Variants in NOS3 observed in about 807,000 individuals in gnomAD.
The protein encoded by NOS3 is nitric oxide synthase 3.
In NOS3, 98 loss-of-function variants were observed where a neutral mutation model predicts 144.9. The observed-to-expected ratio is 0.68, with a 90% confidence interval of 0.57 to 0.80. The LOEUF is 0.80. Ranked by LOEUF, NOS3 falls within the 30% of genes least tolerant of loss-of-function variation. The pLI, the probability that NOS3 is intolerant of heterozygous loss-of-function variation, is 0.00. For missense variants in NOS3, 1,465 were observed against 1,656.4 expected, an observed-to-expected ratio of 0.88 and a Z score of 2.01; for synonymous variants, 714 against 702.4, an observed-to-expected ratio of 1.02 and a Z score of -0.26.
chr7:151,006,295 T>C, intron 14 of NOS3, 132 bp from the exon 15 acceptor site: 1 of 772,768 alleles, frequency 1.3e-6, no homozygotes. Context: ...CAGATCGCTT[T>C]TGAAATTTTC....
At position 151,002,446 on chromosome 7, in the gene NOS3, A is replaced by G. The variant is rs1795130506; in HGVS notation, c.1752+142A>G. On this transcript the variant is annotated intron_variant, in intron 14 of 26. Coordinates refer to ENST00000297494, the MANE Select transcript of NOS3 (RefSeq NM_000603.5). This position sits in a 1 kb window ranked among gnomAD's most constrained non-coding sequence, Gnocchi z 4.1. Reference sequence around the variant, plus strand: ...CACACACACACACACACACACACACACACACACGCCAGGATGGAAAGGGAG... The same window carrying G: ...CACACACACACACACACACACACACGCACACACGCCAGGATGGAAAGGGAG... The G allele has an allele frequency of 2.2e-6, 1 of 455,664 alleles. No individual in the cohort carries two copies. Among genetic ancestry groups the G allele is most frequent in the Admixed American group, 3.2e-5 (1 of 30,990 alleles). 28.2% of individuals were successfully genotyped at this position (455,664 alleles called of 1,614,324 possible). A position where few individuals can be genotyped will look rare whatever the true frequency, so the allele number is the denominator to read the frequency against.
In NOS3 at chr7:151,010,942, A is replaced by G. The variant is rs1351569275; in HGVS notation, c.2940A>G (p.Leu980=). Residue 980 remains leucine (L), a synonymous_variant, in exon 23 of 27, where the codon CTA becomes CTG. Transcript: ENST00000297494. ...PLHYGVCSTW[L]SQLKPGDPVP... The stretch of plus-strand genomic sequence containing the variant: ...ACTATGGAGTCTGCTCCACGTGGCT[A>G]AGCCAGCTCAAGCCCGGAGACCCTG... The G allele has an allele frequency of 2.5e-6, 4 of 1,613,794 alleles. No individual in the cohort carries two copies. Among genetic ancestry groups the G allele is most frequent in the Non-Finnish European group, 3.4e-6 (4 of 1,179,932 alleles).
In NOS3 at chr7:151,002,652, C is replaced by A. The variant is rs548504366; in HGVS notation, c.1752+348C>A. Among the ~76,000 whole-genome samples, 1 of 152,262 alleles carries A rather than the reference C, an allele frequency of 6.6e-6. No individual in the cohort carries two copies. The highest frequency in any genetic ancestry group is 1.9e-4 in the East Asian group (1 of 5,174). On this transcript the variant is annotated intron_variant, in intron 14 of 26. Coordinates refer to ENST00000297494, the MANE Select transcript of NOS3 (RefSeq NM_000603.5). The surrounding 1 kb of genome is among the most constrained non-coding windows in gnomAD (Gnocchi z 4.1). ...GCTGACCAAGAGGTTAGACTGTGCTCGGGCACTGACAAGAAAAACAGGGAT... is the reference window on the plus strand; with the variant it reads ...GCTGACCAAGAGGTTAGACTGTGCTAGGGCACTGACAAGAAAAACAGGGAT...
At chr7:150,999,952 G>T (rs1439519247) in intron 9 of NOS3, among the ~76,000 whole-genome samples, 1 of 148,184 alleles carries the variant, frequency 6.7e-6, no homozygotes, top group Non-Finnish European at 1.5e-5. Flanking sequence ...GGTGTGTAGG[G>T]GGTGTGTGTG....
At chr7:151,004,188 TTAG>T in intron 14 of NOS3, among the ~76,000 whole-genome samples, 1 of 152,040 alleles carries the variant, frequency 6.6e-6, no homozygotes, top group Non-Finnish European at 1.5e-5. Flanking sequence ...AATACAAAAA[TTAG>T]CTGGGCATGG....
At position 151,002,283 on chromosome 7, in the gene NOS3, G is replaced by A; in HGVS notation, c.1731G>A (p.Gly577=). The part of the protein sequence containing the change: ...VLVVTSTFGN[G]DPPENGESFA... ...TGGTAACCAGCACATTTGGGAATGGGGATCCCCCGGAGAATGGAGAGGTGA... is the reference window on the plus strand; with the variant it reads ...TGGTAACCAGCACATTTGGGAATGGAGATCCCCCGGAGAATGGAGAGGTGA... The change falls in exon 14 of 27, where the codon GGG becomes GGA. Residue 577 remains glycine (G), a synonymous_variant. Coordinates refer to ENST00000297494, the MANE Select transcript of NOS3 (RefSeq NM_000603.5). The surrounding 1 kb of genome is among the most constrained non-coding windows in gnomAD (Gnocchi z 4.1). 1 of 1,592,602 alleles carries A rather than the reference G, an allele frequency of 6.3e-7. No homozygotes were observed. The highest frequency in any genetic ancestry group is 8.6e-7 in the Non-Finnish European group (1 of 1,168,212).
At position 150,999,114 on chromosome 7, in the gene NOS3, G is replaced by A. The variant is rs746530611; in HGVS notation, c.956+29G>A. 4.3e-6 allele frequency: 7 copies of A among 1,612,546 alleles called. 1 individual carries two copies. The Admixed American group carries it at 1.2e-4, about 27-fold the overall frequency. ...AGCACCAAAGGGATTGACTGGGTGGGATGGAGGGGGCCATCCCTGAGCCTC... is the reference window on the plus strand; with the variant it reads ...AGCACCAAAGGGATTGACTGGGTGGAATGGAGGGGGCCATCCCTGAGCCTC... On this transcript the variant is annotated intron_variant, in intron 8 of 26. Coordinates refer to ENST00000297494, the MANE Select transcript of NOS3 (RefSeq NM_000603.5).
At position 150,998,667 on chromosome 7, in the gene NOS3, T is replaced by C; in HGVS notation, c.803T>C (p.Val268Ala). 1 of 1,607,378 alleles carries C rather than the reference T, an allele frequency of 6.2e-7. No individual in the cohort carries two copies. Among genetic ancestry groups the C allele is most frequent in the South Asian group, 1.1e-5 (1 of 89,996 alleles). The change falls in exon 7 of 27, where the codon GTG becomes GCG. Residue 268 changes from valine (V) to alanine (A), a missense_variant. Val to Ala is a moderately conservative substitution (Grantham distance 64). Transcript: ENST00000297494. This position sits in a 1 kb window ranked among gnomAD's most constrained non-coding sequence, Gnocchi z 5.0. The stretch of plus-strand genomic sequence containing the variant: ...TCTGTGCGGGGGGACCCAGCCAACG[T>C]GGAGATCACCGAGGTGGGCACCGAG... ...DGSVRGDPAN[V>A]EITELCIQHG... is the part of the protein sequence containing the mutation.
chr7:151,006,988 G>A lies in NOS3; in HGVS notation c.1920G>A (p.Gly640=), dbSNP rs1464610310. 3.1e-6 allele frequency: 5 copies of A among 1,613,962 alleles called. No homozygotes were observed. Among genetic ancestry groups the A allele is most frequent in the African/African-American group, 1.3e-5 (1 of 74,936 alleles). ...AGTCCAGTAACACAGACAGTGCAGGGGCCCTGGGCACCCTCAGGTCAGGGC... is the reference window on the plus strand; with the variant it reads ...AGTCCAGTAACACAGACAGTGCAGGAGCCCTGGGCACCCTCAGGTCAGGGC... ...RKESSNTDSA[G]ALGTLRFCVF... Residue 640 remains glycine, a synonymous_variant, in exon 16 of 27, where the codon GGG becomes GGA. Transcript: ENST00000297494.
Position 150,993,774 on chromosome 7 carries a change from G to A in NOS3, c.-30G>A, listed in dbSNP as rs1168650562. The A allele has an allele frequency of 2.5e-6, 4 of 1,572,654 alleles. No individual in the cohort carries two copies. Among genetic ancestry groups the A allele is most frequent in the Non-Finnish European group, 3.4e-6 (4 of 1,166,512 alleles). ...TAAGGAAAAGGCCAGGGCTCTGCTG[G>A]AGCAGGCAGCAGAGTGGACGCACAG... On this transcript the variant is annotated 5_prime_UTR_variant, in exon 2 of 27. Transcript: ENST00000297494. This position sits in a 1 kb window ranked among gnomAD's most constrained non-coding sequence, Gnocchi z 4.0.
chr7:151,001,646 A>C (rs1795100556), intron 12 of NOS3, 29 bp downstream of exon 12: 3 of 1,604,512 alleles, frequency 1.9e-6, no homozygotes, highest in Admixed American at 3.3e-5. Flanking sequence ...CCGCTCTCCC[A>C]CACACACCCT....
chr7:151,007,223 G>A lies in NOS3; in HGVS notation c.2059G>A (p.Glu687Lys), dbSNP rs1450752209. Residue 687 changes from glutamate to lysine, a missense_variant, in exon 17 of 27, where the codon GAG becomes AAG. Physicochemically the swap from Glu to Lys is moderately conservative, Grantham distance 56. Around this residue, in one of 5 missense-constraint regions of NOS3, gnomAD observed 745 missense variants for 853.9 expected, o/e 0.87. Coordinates refer to ENST00000297494, the MANE Select transcript of NOS3 (RefSeq NM_000603.5). ...GCTGCTGCAGCTGGGCCAGGGCGAC[G>A]AGCTGTGCGGCCAGGAGGAGGCCTT... is the stretch of plus-strand genomic sequence containing the variant. ...ERLLQLGQGD[E>K]LCGQEEAFRG... 1.9e-5 allele frequency: 30 copies of A among 1,609,712 alleles called. No individual in the cohort carries two copies. Among genetic ancestry groups the A allele is most frequent in the Non-Finnish European group, 2.5e-5 (29 of 1,179,706 alleles).
rs1485317174 is a variant in NOS3, at chr7:151,001,347, C to T, written c.1350C>T (p.Pro450=). 5 of 1,613,442 alleles carry T rather than the reference C, an allele frequency of 3.1e-6. No individual in the cohort carries two copies. The South Asian group carries it at 5.5e-5, about 18-fold the overall frequency. ...CTGCAGACTGGGCCTGGATCGTGCCCCCCATCTCGGGCAGCCTCACTCCTG... is the reference window on the plus strand; with the variant it reads ...CTGCAGACTGGGCCTGGATCGTGCCTCCCATCTCGGGCAGCCTCACTCCTG... ...GCPADWAWIV[P]PISGSLTPVF... The change falls in exon 11 of 27, where the codon CCC becomes CCT. Residue 450 remains proline (P), a synonymous_variant. Transcript: ENST00000297494.
rs749685848 is a variant in NOS3, at chr7:150,999,019, A to T, written c.890A>T (p.Asp297Val). Residue 297 changes from aspartate to valine, a missense_variant, in exon 8 of 27, where the codon GAT (aspartate) becomes GTT (valine). Physicochemically the swap from Asp to Val is radical, Grantham distance 152. Transcript: ENST00000297494. Reference protein sequence around the residue: ...DVLPLLLQAPDDPPELFLLPP... With the variant: ...DVLPLLLQAPVDPPELFLLPP... ...CTGCCCCTGCTGCTGCAGGCCCCAG[A>T]TGATCCCCCAGAACTCTTCCTTCTG... 1.2e-6 allele frequency: 2 copies of T among 1,612,528 alleles called. No homozygotes were observed. Among genetic ancestry groups the T allele is most frequent in the Non-Finnish European group, 1.7e-6 (2 of 1,179,876 alleles).
Position 151,009,512 on chromosome 7 carries a change from G to C in NOS3, c.2439G>C (p.Leu813=), listed in dbSNP as rs2117132212. The C allele has an allele frequency of 1.9e-6, 3 of 1,546,906 alleles. No individual in the cohort carries two copies. The African/African-American group carries it at 4.1e-5, about 21-fold the overall frequency. The change falls in exon 20 of 27, where the codon CTG becomes CTC. Residue 813 remains leucine (L), a synonymous_variant. Transcript: ENST00000297494. ...PPNRPGLVEA[L]LSRVEDPPAP... ...ACCGGCCCGGCCTTGTGGAGGCGCT[G>C]CTGAGCCGCGTGGAGGACCCGCCGG...
intron 24 of NOS3, 151 bp downstream of exon 24, chr7:151,012,623 T>TA: frequency 1.1e-6 from 1 of 922,172 alleles, no homozygotes; most frequent in Non-Finnish European, 1.6e-6. Context: ...GGAGGGCAGG[T>TA]ACCAAAGGCA....
chr7:150,991,794 G>A (rs1379346417), intron 1 of NOS3, among the ~76,000 whole-genome samples: 1 of 152,110 alleles, frequency 6.6e-6, no homozygotes, highest in Non-Finnish European at 1.5e-5. Flanking sequence ...TCAGGAGTTC[G>A]AGACCAGCCT....
chr7:151,012,556 A>G lies in NOS3; in HGVS notation c.3106+84A>G, dbSNP rs1295485228. ...GTGGGGCTGGAAGGCAGGAAATAGG[A>G]AAGAGAGGGCAGGAAACAAAGTCCA... On this transcript the variant is annotated intron_variant, in intron 24 of 26. Transcript: ENST00000297494. 4.0e-6 allele frequency: 6 copies of G among 1,485,388 alleles called. 1 individual carries two copies. The South Asian group carries it at 7.4e-5, about 18-fold the overall frequency. 92.0% of individuals were successfully genotyped at this position (1,485,388 alleles called of 1,614,324 possible).
In NOS3 at chr7:151,011,631, T is replaced by C. The variant is rs561849820; in HGVS notation, c.2984+645T>C. Among the ~76,000 whole-genome samples the C allele has an allele frequency of 8.0e-5, 12 of 150,700 alleles. No individual in the cohort carries two copies. The South Asian group carries it at 2.3e-3, about 29-fold the overall frequency. ...TGTCTCAAAAAAAAAAAAAAAAATA[T>C]TCTCCTGTCTCAGCCTCCTGAGTAG... On this transcript the variant is annotated intron_variant, in intron 23 of 26. Transcript: ENST00000297494.
Sources: allele counts gnomAD v4.1 joint callset (sites outside exome capture counted in the v4.1 genomes callset), GRCh38; gene constraint gnomAD v4.1.1; regional missense constraint gnomAD v4.1.1; non-coding constraint Gnocchi (gnomAD v3.1); transcripts MANE v1.5; gene names NCBI Gene and HGNC (gene_info 2026-07-23, HGNC 2026-07-21).